The following FOXN3 variants were observed in gnomAD, a reference collection of about 807,000 sequenced individuals.
FOXN3 encodes forkhead box N3.
A neutral mutation model predicts 38.4 loss-of-function variants in FOXN3; 7 were observed. The ratio of observed to expected loss-of-function variants is 0.18; its 90% CI spans 0.10 to 0.34. The LOEUF is 0.34. FOXN3 is among the 10% of genes least tolerant of loss of function. The pLI, the probability that FOXN3 is intolerant of heterozygous loss-of-function variation, is 1.00. For synonymous variants in FOXN3, 230 were observed against 242.2 expected, an observed-to-expected ratio of 0.95 and a Z score of 0.47; for missense variants, 456 against 613.4, an observed-to-expected ratio of 0.74 and a Z score of 2.71.
chr14:89,275,453 G>A (rs1036214544), intron 4 of FOXN3, among the ~76,000 whole-genome samples: 2 of 152,160 alleles, frequency 1.3e-5, no homozygotes, highest in African/African-American at 2.4e-5. Flanking sequence ...CAAATGAAGC[G>A]CTAGGTATGC....
intron 2 of FOXN3, among the ~76,000 whole-genome samples, chr14:89,368,330 CA>C (rs35347785): frequency 0.57 from 78,137 of 136,652 alleles, 22,946 homozygotes; most frequent in East Asian, 0.69. Context: ...AACTCTGTCT[CA>C]AAAAAAAAAA....
intron 2 of FOXN3, among the ~76,000 whole-genome samples, chr14:89,407,961 A>T (rs140555700): frequency 6.9e-4 from 105 of 152,356 alleles, no homozygotes; most frequent in Admixed American, 1.1e-3. Flanking sequence ...TCATTATACG[A>T]TTCTAGTTCT....
In FOXN3 at chr14:89,165,402, T is replaced by G. The variant is rs572873460; in HGVS notation, c.852-2433A>C. 2.0e-5 allele frequency among the ~76,000 whole-genome samples: 3 copies of G among 152,376 alleles called. No individual in the cohort carries two copies. The South Asian group carries it at 6.2e-4, about 32-fold the overall frequency. On this transcript the variant is annotated intron_variant, in intron 5 of 5. Transcript: ENST00000557258. ...TCATGTTTTTTACTTGTGGTCCGAT[T>G]CCTGCGACTTCCTGCTGCTGTGACT...
intron 3 of FOXN3, among the ~76,000 whole-genome samples, chr14:89,304,320 C>A (rs1383443074): frequency 2.6e-5 from 4 of 151,998 alleles, no homozygotes; most frequent in Non-Finnish European, 5.9e-5. Context: ...CGGGAAGGGG[C>A]GGTAAGGTTA....
rs1469344111 is a variant in FOXN3, at chr14:89,162,050, T to G, written c.*364A>C. On this transcript the variant is annotated 3_prime_UTR_variant, in exon 6 of 6. Coordinates refer to ENST00000557258, the MANE Select transcript of FOXN3 (RefSeq NM_005197.4). This position sits in a 1 kb window ranked among gnomAD's most constrained non-coding sequence, Gnocchi z 7.2. Reference sequence around the variant, plus strand: ...TGCCTTCTAGGTGCCGAATGTGTGTTCCTGTGATATTGACGTTGACATCCC... The same window carrying G: ...TGCCTTCTAGGTGCCGAATGTGTGTGCCTGTGATATTGACGTTGACATCCC... 7 of 174,644 alleles carry G rather than the reference T, an allele frequency of 4.0e-5. No homozygotes were observed. The highest frequency in any genetic ancestry group is 1.7e-4 in the African/African-American group (7 of 41,932). 10.8% of individuals were successfully genotyped at this position (174,644 alleles called of 1,614,324 possible).
At chr14:89,563,126 T>A (rs1215021724) in intron 1 of FOXN3, among the ~76,000 whole-genome samples, 1 of 152,214 alleles carries the variant, frequency 6.6e-6, no homozygotes, top group African/African-American at 2.4e-5. Flanking sequence ...TACAGTCCTA[T>A]CTGCAAAGAA....
chr14:89,234,479 C>T (rs1019999829), intron 4 of FOXN3, among the ~76,000 whole-genome samples: 16 of 152,074 alleles, frequency 1.1e-4, no homozygotes, highest in Admixed American at 5.2e-4. Context: ...GTGTTGGAGG[C>T]GGGGCCTGGT....
At position 89,555,838 on chromosome 14, in the gene FOXN3, G is replaced by GGTGTGTGTGTGTGTGTGTGT. The variant is rs201016882; in HGVS notation, c.-15+63170_-15+63189dup. Among the ~76,000 whole-genome samples the GGTGTGTGTGTGTGTGTGTGT allele has an allele frequency of 7.4e-3, 659 of 89,656 alleles. 44 individuals carry two copies. Among genetic ancestry groups the GGTGTGTGTGTGTGTGTGTGT allele is most frequent in the Middle Eastern group, 0.013 (2 of 154 alleles). 58.8% of individuals were successfully genotyped at this position (89,656 alleles called of 152,430 possible). A position where few individuals can be genotyped will look rare whatever the true frequency, so the allele number is the denominator to read the frequency against. ...TCATAAAGCTTACCTTCTAGTTCAT[G>GGTGTGTGTGTGTGTGTGTGT]GTGTGTGTGTGTGTGTGTGTGTGTG... is the stretch of plus-strand genomic sequence containing the variant. On this transcript the variant is annotated intron_variant, in intron 1 of 6. Coordinates refer to the FOXN3 transcript ENST00000345097.
At chr14:89,242,189 G>T (rs994266717) in intron 4 of FOXN3, among the ~76,000 whole-genome samples, 2 of 152,124 alleles carry the variant, frequency 1.3e-5, no homozygotes, top group Admixed American at 1.3e-4. Context: ...GAGAAGGTAC[G>T]AGTGGTGCCC....
In FOXN3 at chr14:89,412,052, T is replaced by C. The variant is rs1226243301; in HGVS notation, c.425A>G (p.Asn142Ser). 8.7e-6 allele frequency: 14 copies of C among 1,613,096 alleles called. No individual in the cohort carries two copies. Among genetic ancestry groups the C allele is most frequent in the African/African-American group, 1.3e-5 (1 of 74,802 alleles). ...TKRLPVKDIY[N>S]WILEHFPYFA... is the part of the protein sequence containing the mutation. ...ATACGGAAAATGTTCCAAGATCCAG[T>C]TGTAGATATCCTTCACTGGCAGGCG... The change falls in exon 2 of 6, where the codon AAC becomes AGC. Residue 142 changes from asparagine (N) to serine (S), a missense_variant. Physicochemically the swap from Asn to Ser is conservative, Grantham distance 46 (BLOSUM62 1). Coordinates refer to ENST00000557258, the MANE Select transcript of FOXN3 (RefSeq NM_005197.4). The surrounding 1 kb of genome is among the most constrained non-coding windows in gnomAD (Gnocchi z 4.7).
chr14:89,436,014 T>TA (rs1270479305), intron 1 of FOXN3, among the ~76,000 whole-genome samples: 3 of 150,346 alleles, frequency 2.0e-5, no homozygotes, highest in African/African-American at 4.9e-5. Flanking sequence ...TCTTTATTAT[T>TA]TTTTTTTTCA....
intron 3 of FOXN3, among the ~76,000 whole-genome samples, chr14:89,297,559 CAAA>C (rs919496715): frequency 1.9e-5 from 2 of 103,558 alleles, no homozygotes; most frequent in African/African-American, 3.6e-5. Context: ...GACTCCCTTT[CAAA>C]AAAAAAAAAA....
intron 4 of FOXN3, among the ~76,000 whole-genome samples, chr14:89,234,487 G>C (rs1000009008): frequency 6.6e-6 from 1 of 152,076 alleles, no homozygotes; most frequent in Non-Finnish European, 1.5e-5. Flanking sequence ...GGCGGGGCCT[G>C]GTGGGAGGTG....
At chr14:89,383,540 C>T (rs1041881623) in intron 2 of FOXN3, among the ~76,000 whole-genome samples, 1 of 152,238 alleles carries the variant, frequency 6.6e-6, no homozygotes, top group East Asian at 1.9e-4. Flanking sequence ...AAGGAGCCGA[C>T]AGGACCTGGG....
Position 89,162,192 on chromosome 14 carries a change from G to C in FOXN3, c.*222C>G. 2.3e-6 allele frequency: 1 copy of C among 425,808 alleles called. No individual in the cohort carries two copies. Among genetic ancestry groups the C allele is most frequent in the Non-Finnish European group, 4.1e-6 (1 of 243,068 alleles). The allele number at this position is 425,808 out of a possible 1,614,324, so 26.4% of individuals were successfully genotyped here. A position where few individuals can be genotyped will look rare whatever the true frequency, so the allele number is the denominator to read the frequency against. On this transcript the variant is annotated 3_prime_UTR_variant, in exon 6 of 6. Coordinates refer to ENST00000557258, the MANE Select transcript of FOXN3 (RefSeq NM_005197.4). The surrounding 1 kb of genome is among the most constrained non-coding windows in gnomAD (Gnocchi z 7.2). Reference sequence around the variant, plus strand: ...GTAAAACAGCTGAGTGTCAATATGAGTTCTATGGCTTCAATCTCCTTTAAA... The same window carrying C: ...GTAAAACAGCTGAGTGTCAATATGACTTCTATGGCTTCAATCTCCTTTAAA...
chr14:89,489,861 C>T (rs1465348348), intron 1 of FOXN3, among the ~76,000 whole-genome samples: 1 of 152,194 alleles, frequency 6.6e-6, no homozygotes, highest in African/African-American at 2.4e-5. Flanking sequence ...CACACGCGCG[C>T]GCATGCACAC....
chr14:89,453,381 C>G (rs1892656024), intron 1 of FOXN3, among the ~76,000 whole-genome samples: 1 of 151,416 alleles, frequency 6.6e-6, no homozygotes, highest in African/African-American at 2.4e-5. Context: ...ACGGTGAAAC[C>G]CTGTCTCTAC....
chr14:89,523,126 T>C (rs887169883), intron 1 of FOXN3, among the ~76,000 whole-genome samples: 2 of 152,156 alleles, frequency 1.3e-5, no homozygotes, highest in African/African-American at 4.8e-5. Context: ...AAGGGGATAA[T>C]TCCATAATGA....
At chr14:89,327,358 G>C (rs1888113422) in intron 3 of FOXN3, among the ~76,000 whole-genome samples, 1 of 152,170 alleles carries the variant, frequency 6.6e-6, no homozygotes, top group South Asian at 2.1e-4. Flanking sequence ...TGCCATCTTT[G>C]GGGTTACCAG....
Sources: gnomAD v4.1 joint callset for allele counts (sites outside exome capture counted in the v4.1 genomes callset) on GRCh38, gnomAD v4.1.1 for gene constraint, Gnocchi (gnomAD v3.1) non-coding constraint, MANE v1.5 for transcripts, NCBI Gene and HGNC (gene_info 2026-07-23, HGNC 2026-07-21) for gene names.